The following SCUBE3 variants were observed in gnomAD, a reference collection of about 807,000 sequenced individuals.
The protein encoded by SCUBE3 is signal peptide, CUB and EGF-like domain-containing protein 3.
Under a neutral mutation model 116.8 loss-of-function variants are expected in SCUBE3, and 33 were observed. The ratio of observed to expected loss-of-function variants is 0.28; its 90% CI spans 0.21 to 0.38. The LOEUF is 0.38. Ranked by LOEUF, SCUBE3 falls within the 10% of genes least tolerant of loss-of-function variation. The probability of loss-of-function intolerance (pLI) is 1.00; values close to 1 mark genes in which losing one functional copy is unlikely to be tolerated. For missense variants in SCUBE3, 1,007 were observed against 1,324.8 expected (o/e 0.76, Z 3.72); for synonymous variants, 418 against 496.9 (o/e 0.84, Z 2.11).
In SCUBE3 at chr6:35,246,291, T is replaced by C; in HGVS notation, c.2832+6T>C. 2 of 1,590,342 alleles carry C rather than the reference T, an allele frequency of 1.3e-6. No homozygotes were observed. Among genetic ancestry groups the C allele is most frequent in the Non-Finnish European group, 8.6e-7 (1 of 1,158,334 alleles). On this transcript the variant is annotated splice_donor_region_variant and intron_variant, in intron 21 of 21. Transcript: ENST00000274938. ...ACCACCAGGAGATTTTAAAGGTGAA[T>C]GAATATTAACAATAATGATAGCTAA... is the stretch of plus-strand genomic sequence containing the variant.
Position 35,214,280 on chromosome 6 carries a change from C to G in SCUBE3, c.-139C>G. 1 of 381,962 alleles carries G rather than the reference C, an allele frequency of 2.6e-6. No individual in the cohort carries two copies. Among genetic ancestry groups the G allele is most frequent in the East Asian group, 4.3e-5 (1 of 23,090 alleles). The allele number at this position is 381,962 out of a possible 1,614,324, so 23.7% of individuals were successfully genotyped here. A position where few individuals can be genotyped will look rare whatever the true frequency, so the allele number is the denominator to read the frequency against. On this transcript the variant is annotated 5_prime_UTR_variant, in exon 1 of 22. Coordinates refer to ENST00000274938, the MANE Select transcript of SCUBE3 (RefSeq NM_152753.4). This position sits in a 1 kb window ranked among gnomAD's most constrained non-coding sequence, Gnocchi z 6.3. ...GCGCCGAGGGCGCCGCGGTCCGCGC[C>G]CCGCGACTGCAGCCCCCGGCCTGGC...
chr6:35,216,928 C>T (rs1324482830), intron 1 of SCUBE3, among the ~76,000 whole-genome samples: 3 of 150,266 alleles, frequency 2.0e-5, no homozygotes, highest in African/African-American at 7.3e-5. Flanking sequence ...TGCGACTGTG[C>T]ACACATGAGA....
intron 14 of SCUBE3, 82 bp downstream of exon 14, chr6:35,242,862 A>G: frequency 6.4e-7 from 1 of 1,558,654 alleles, no homozygotes; most frequent in Non-Finnish European, 8.8e-7. Context: ...CAGCAAAAGG[A>G]AGGGATGGAG....
intron 1 of SCUBE3, among the ~76,000 whole-genome samples, chr6:35,226,983 T>C (rs1056384418): frequency 6.6e-6 from 1 of 152,188 alleles, no homozygotes; most frequent in Admixed American, 6.5e-5. Flanking sequence ...GATGTCTCCA[T>C]TGTTGGCAGC....
chr6:35,225,607 A>G lies in SCUBE3; in HGVS notation c.86-1973A>G, dbSNP rs377565763. Among the ~76,000 whole-genome samples, 3 of 152,194 alleles carry G rather than the reference A, an allele frequency of 2.0e-5. No homozygotes were observed. In the East Asian group the frequency reaches 5.8e-4, roughly 29 times the overall value. ...ATCAACTGGTATGATGGTTGGCTGC[A>G]TAGGAGTTGAAGGGTAGAATGAAGA... On this transcript the variant is annotated intron_variant, in intron 1 of 21. Transcript: ENST00000274938.
rs573914536 is a variant in SCUBE3 at position 35,235,509 on chromosome 6, C to T, written c.712+2208C>T. On this transcript the variant is annotated intron_variant, in intron 6 of 21. Transcript: ENST00000274938. This position sits in a 1 kb window ranked among gnomAD's most constrained non-coding sequence, Gnocchi z 4.5. ...GTTTCTAATGGTAAATATGTCTGCT[C>T]TCTCCGCTTGCTCTCACTGGCTTGC... is the stretch of plus-strand genomic sequence containing the variant. The T allele has an allele frequency of 6.8e-5, 86 of 1,270,038 alleles. 1 individual carries two copies. The South Asian group carries it at 8.4e-4, about 12-fold the overall frequency. The allele number at this position is 1,270,038 out of a possible 1,614,324, so 78.7% of individuals were successfully genotyped here.
rs1245048661 is a variant in SCUBE3, at chr6:35,241,492, A to G, written c.1196-51A>G. 1 of 1,347,516 alleles carries G rather than the reference A, an allele frequency of 7.4e-7. No individual in the cohort carries two copies. The highest frequency in any genetic ancestry group is 1.4e-5 in the African/African-American group (1 of 69,882). 83.5% of individuals were successfully genotyped at this position (1,347,516 alleles called of 1,614,324 possible). On this transcript the variant is annotated intron_variant, in intron 10 of 21. Transcript: ENST00000274938. The surrounding 1 kb of genome is among the most constrained non-coding windows in gnomAD (Gnocchi z 4.1). ...GTAGCTGATTCCTCCAAATTACCCA[A>G]CTGAGGGAAAGGAATGCATTCATTT...
Position 35,242,287 on chromosome 6 carries a change from A to C in SCUBE3, c.1501A>C (p.Lys501Gln). ...CCGTTTGCACCTGCGAAACAAAGGCAAAACAGAGGAGGCTGGCAGAATCAC... is the reference window on the plus strand; with the variant it reads ...CCGTTTGCACCTGCGAAACAAAGGCCAAACAGAGGAGGCTGGCAGAATCAC... ...KCRLHLRNKG[K>Q]TEEAGRITGP... Residue 501 changes from lysine (K) to glutamine (Q), a missense_variant, in exon 13 of 22, where the codon AAA becomes CAA. Physicochemically the swap from Lys to Gln is moderately conservative, Grantham distance 53 (BLOSUM62 1). Around this residue, in one of 5 missense-constraint regions of SCUBE3, gnomAD observed 544 missense variants for 638.9 expected, o/e 0.85. Transcript: ENST00000274938. The C allele has an allele frequency of 6.2e-7, 1 of 1,613,960 alleles. No homozygotes were observed. The highest frequency in any genetic ancestry group is 1.1e-5 in the South Asian group (1 of 91,072).
At chr6:35,225,423 C>T (rs1294871511) in intron 1 of SCUBE3, among the ~76,000 whole-genome samples, 1 of 152,238 alleles carries the variant, frequency 6.6e-6, no homozygotes, top group Non-Finnish European at 1.5e-5. Context: ...TCTGCGAGGT[C>T]CCTCTTGCCC....
Position 35,244,860 on chromosome 6 carries a change from C to T in SCUBE3, c.2401+49C>T, listed in dbSNP as rs766716785. On this transcript the variant is annotated intron_variant, in intron 18 of 21. Coordinates refer to ENST00000274938, the MANE Select transcript of SCUBE3 (RefSeq NM_152753.4). This position sits in a 1 kb window ranked among gnomAD's most constrained non-coding sequence, Gnocchi z 4.3. ...AAAAGGGAGGAGAGAGGCCTGGGAG[C>T]AGTGGACATCTAAAGGAGGGGTGTG... The T allele has an allele frequency of 2.5e-6, 4 of 1,577,636 alleles. No individual in the cohort carries two copies. The South Asian group carries it at 4.5e-5, about 18-fold the overall frequency.
Position 35,250,723 on chromosome 6 carries a change from T to G in SCUBE3, c.*2018T>G, listed in dbSNP as rs1454201929. 2 of 74,510 alleles carry G rather than the reference T, an allele frequency of 2.7e-5. No individual in the cohort carries two copies. Among genetic ancestry groups the G allele is most frequent in the Non-Finnish European group, 9.1e-5 (2 of 21,916 alleles). The allele number at this position is 74,510 out of a possible 1,614,324, so 4.6% of individuals were successfully genotyped here. A position where few individuals can be genotyped will look rare whatever the true frequency, so the allele number is the denominator to read the frequency against. ...CCTCAGGTTCATTTCTTTTTTTTTTTTTTTTCTTTTTAACTCTCCTGGTAA... is the reference window on the plus strand; with the variant it reads ...CCTCAGGTTCATTTCTTTTTTTTTTGTTTTTCTTTTTAACTCTCCTGGTAA... On this transcript the variant is annotated 3_prime_UTR_variant, in exon 22 of 22. Coordinates refer to ENST00000274938, the MANE Select transcript of SCUBE3 (RefSeq NM_152753.4).
chr6:35,231,945 C>T lies in SCUBE3; in HGVS notation c.469+86C>T. Reference sequence around the variant, plus strand: ...TCCCTCAGCAGCCCCTAAGTCTCACCCTCCATTCTCAACTCAGCTAGCTCC... The same window carrying T: ...TCCCTCAGCAGCCCCTAAGTCTCACTCTCCATTCTCAACTCAGCTAGCTCC... On this transcript the variant is annotated intron_variant, in intron 4 of 21. Transcript: ENST00000274938. The surrounding 1 kb of genome is among the most constrained non-coding windows in gnomAD (Gnocchi z 4.2). 8.5e-7 allele frequency: 1 copy of T among 1,170,268 alleles called. No homozygotes were observed. Among genetic ancestry groups the T allele is most frequent in the Non-Finnish European group, 1.2e-6 (1 of 822,106 alleles). The allele number at this position is 1,170,268 out of a possible 1,614,324, so 72.5% of individuals were successfully genotyped here.
In SCUBE3 at chr6:35,232,795, T is replaced by C. The variant is rs1783605159; in HGVS notation, c.470-55T>C. 3.1e-6 allele frequency: 5 copies of C among 1,590,434 alleles called. No homozygotes were observed. The highest frequency in any genetic ancestry group is 4.3e-6 in the Non-Finnish European group (5 of 1,160,942). ...GTCCCCAGTTGCCCCCTGTAGTTTT[T>C]CTTTTCTAGACATCCAGGGGTACAG... On this transcript the variant is annotated intron_variant, in intron 4 of 21. Transcript: ENST00000274938. This position sits in a 1 kb window ranked among gnomAD's most constrained non-coding sequence, Gnocchi z 4.2.
chr6:35,243,738 A>C lies in SCUBE3; in HGVS notation c.2054A>C (p.Asn685Thr), dbSNP rs776091028. ...GCCCACGGGCCTCTTGGAGCCACCA[A>C]CGTCACCACGTGTGCAGGTGCCAGG... Reference protein sequence around the residue: ...SDAHGPLGATNVTTCAGQCPP... With the variant: ...SDAHGPLGATTVTTCAGQCPP... Residue 685 changes from asparagine (N) to threonine (T), a missense_variant, in exon 16 of 22, where the codon AAC (asparagine) becomes ACC (threonine). Physicochemically the swap from Asn to Thr is moderately conservative, Grantham distance 65. Around this residue, in one of 5 missense-constraint regions of SCUBE3, gnomAD observed 544 missense variants for 638.9 expected, o/e 0.85. Coordinates refer to ENST00000274938, the MANE Select transcript of SCUBE3 (RefSeq NM_152753.4). The surrounding 1 kb of genome is among the most constrained non-coding windows in gnomAD (Gnocchi z 6.6). The C allele has an allele frequency of 5.0e-6, 8 of 1,613,926 alleles. No individual in the cohort carries two copies. The highest frequency in any genetic ancestry group is 6.8e-6 in the Non-Finnish European group (8 of 1,179,934).
rs1256997795 is a variant in SCUBE3 at position 35,244,132 on chromosome 6, T to G, written c.2239+2T>G. 6.2e-7 allele frequency: 1 copy of G among 1,612,258 alleles called. No homozygotes were observed. The highest frequency in any genetic ancestry group is 8.5e-7 in the Non-Finnish European group (1 of 1,179,118). On this transcript the variant is annotated splice_donor_variant, in intron 17 of 21. Coordinates refer to ENST00000274938, the MANE Select transcript of SCUBE3 (RefSeq NM_152753.4). LOFTEE classifies it high-confidence loss of function. This position sits in a 1 kb window ranked among gnomAD's most constrained non-coding sequence, Gnocchi z 4.3. ...CCTTCCAAGACTGTGACACCAAAGG[T>G]GAGTAAGCTACTCACCTCCCTGGGG...
In SCUBE3 at chr6:35,240,026, T is replaced by C; in HGVS notation, c.952+152T>C. On this transcript the variant is annotated intron_variant, in intron 8 of 21. Coordinates refer to ENST00000274938, the MANE Select transcript of SCUBE3 (RefSeq NM_152753.4). This position sits in a 1 kb window ranked among gnomAD's most constrained non-coding sequence, Gnocchi z 4.6. ...TCCTGCAAATTAGCAAATGGTACTC[T>C]TTCCCCTCAGCGGACTAGCTCCATA... The C allele has an allele frequency of 3.0e-6, 2 of 673,576 alleles. No homozygotes were observed. The highest frequency in any genetic ancestry group is 4.8e-6 in the Non-Finnish European group (2 of 420,828). The allele number at this position is 673,576 out of a possible 1,614,324, so 41.7% of individuals were successfully genotyped here.
chr6:35,218,008 C>G, intron 1 of SCUBE3: 1 of 310,862 alleles, frequency 3.2e-6, no homozygotes, highest in Non-Finnish European at 4.7e-6. Context: ...CTTTGAGTCT[C>G]TGCAGGGTGG....
chr6:35,244,741 C>T lies in SCUBE3; in HGVS notation c.2331C>T (p.Asn777=). ...CCTATCAGCCCGACTTCCGTCAGAACTTCTGCAGCCGCTGTCCAGGAAACA... is the reference window on the plus strand; with the variant it reads ...CCTATCAGCCCGACTTCCGTCAGAATTTCTGCAGCCGCTGTCCAGGAAACA... The part of the protein sequence containing the change: ...MGSYQPDFRQ[N]FCSRCPGNTS... Residue 777 remains asparagine, a synonymous_variant, in exon 18 of 22, where the codon AAC becomes AAT. Transcript: ENST00000274938. This position sits in a 1 kb window ranked among gnomAD's most constrained non-coding sequence, Gnocchi z 4.3. 6.2e-7 allele frequency: 1 copy of T among 1,614,254 alleles called. No individual in the cohort carries two copies. The highest frequency in any genetic ancestry group is 1.1e-5 in the South Asian group (1 of 91,090).
intron 21 of SCUBE3, among the ~76,000 whole-genome samples, chr6:35,247,694 GC>G (rs1784405405): frequency 6.6e-6 from 1 of 152,182 alleles, no homozygotes; most frequent in Non-Finnish European, 1.5e-5. Flanking sequence ...AAGCAGTGCA[GC>G]TGTTCTGATT....
Sources: allele counts gnomAD v4.1 joint callset (sites outside exome capture counted in the v4.1 genomes callset), GRCh38; gene constraint gnomAD v4.1.1; regional missense constraint gnomAD v4.1.1; non-coding constraint Gnocchi (gnomAD v3.1); transcripts MANE v1.5; gene names NCBI Gene and HGNC (gene_info 2026-07-23, HGNC 2026-07-21).